Variants in AOPEP observed in about 807,000 individuals in gnomAD.
AOPEP encodes aminopeptidase O.
A neutral mutation model predicts 98.1 loss-of-function variants in AOPEP; 77 were observed. The ratio of observed to expected loss-of-function variants is 0.78; its 90% CI spans 0.65 to 0.95. The LOEUF is 0.95. AOPEP is among the 40% of genes least tolerant of loss of function. The probability of loss-of-function intolerance (pLI) is 0.00; values close to 1 mark genes in which losing one functional copy is unlikely to be tolerated. For missense variants in AOPEP, 1,024 were observed against 1,024.7 expected (o/e 1.00, Z 0.01); for synonymous variants, 346 against 365.3 (o/e 0.95, Z 0.60).
intron 5 of AOPEP, among the ~76,000 whole-genome samples, chr9:94,905,110 A>G (rs2050939925): frequency 6.6e-6 from 1 of 152,370 alleles, no homozygotes; most frequent in African/African-American, 2.4e-5. Context: ...GTACAAAAGC[A>G]CAACAGATAT....
intron 5 of AOPEP, among the ~76,000 whole-genome samples, chr9:94,908,339 A>T (rs1564361863): frequency 6.6e-6 from 1 of 152,284 alleles, no homozygotes; most frequent in East Asian, 1.9e-4. Flanking sequence ...ATCCCATCCC[A>T]CAGAGTAAAT....
chr9:95,106,667 C>G, the AOPEP span, among the ~76,000 whole-genome samples: 2 of 152,310 alleles, frequency 1.3e-5, no homozygotes, highest in African/African-American at 4.8e-5. Flanking sequence ...ATTCTTTGCA[C>G]TGTTGCAGTG....
At chr9:94,916,710 T>TAAATAAA (rs1554767812) in intron 5 of AOPEP, among the ~76,000 whole-genome samples, 2 of 143,004 alleles carry the variant, frequency 1.4e-5, no homozygotes, top group African/African-American at 5.5e-5. Flanking sequence ...AAAAAAAAAA[T>TAAATAAA]TAAATAAATA....
intron 4 of AOPEP, among the ~76,000 whole-genome samples, chr9:94,799,210 T>G (rs1043770256): frequency 2.0e-5 from 3 of 152,232 alleles, no homozygotes; most frequent in Non-Finnish European, 4.4e-5. Context: ...TATTGGGACA[T>G]GCCAGCATCT....
At chr9:94,916,493 A>C (rs73538177) in intron 5 of AOPEP, among the ~76,000 whole-genome samples, 2 of 152,140 alleles carry the variant, frequency 1.3e-5, no homozygotes, top group African/African-American at 4.8e-5. Context: ...CCATGAGGTC[A>C]GGAATTCAAG....
chr9:94,806,552 T>C (rs1356730719), intron 5 of AOPEP, among the ~76,000 whole-genome samples: 3 of 152,244 alleles, frequency 2.0e-5, no homozygotes, highest in African/African-American at 7.2e-5. Flanking sequence ...TATGCCCATG[T>C]GTGCTTCCCC....
intron 7 of AOPEP, among the ~76,000 whole-genome samples, chr9:94,944,268 G>A (rs1054856654): frequency 1.1e-4 from 16 of 152,194 alleles, no homozygotes; most frequent in African/African-American, 3.6e-4. Context: ...CAAAAGAAAT[G>A]AAGAAATCAT....
rs758208013 is a variant in AOPEP, at chr9:94,800,923, T to C, written c.1285T>C (p.Ser429Pro). The C allele has an allele frequency of 1.2e-6, 2 of 1,614,124 alleles. No individual in the cohort carries two copies. Among genetic ancestry groups the C allele is most frequent in the Admixed American group, 3.3e-5 (2 of 60,018 alleles). Residue 429 changes from serine (S) to proline (P), a missense_variant, in exon 5 of 17, where the codon TCT becomes CCT. Ser to Pro is a moderately conservative substitution (Grantham distance 74). Transcript: ENST00000375315. ...CCCTCCTTGCCTCTCAGCAGCACAT[T>C]CTGTTCTGGGAGCACACCCGTTCTC... Reference protein sequence around the residue: ...LIPPCLSAAHSVLGAHPFSRL... With the variant: ...LIPPCLSAAHPVLGAHPFSRL...
intron 1 of AOPEP, among the ~76,000 whole-genome samples, chr9:94,731,287 GC>G (rs1338033840): frequency 5.3e-5 from 8 of 151,940 alleles, no homozygotes; most frequent in Non-Finnish European, 1.0e-4. Context: ...GAGTGCAGTG[GC>G]GCGATCTCGG....
At chr9:94,830,187 C>G (rs1359967576) in intron 5 of AOPEP, among the ~76,000 whole-genome samples, 1 of 152,190 alleles carries the variant, frequency 6.6e-6, no homozygotes, top group Non-Finnish European at 1.5e-5. Flanking sequence ...CTGATGCTCT[C>G]CCTCTCCCTG....
At position 94,924,024 on chromosome 9, in the gene AOPEP, G is replaced by C; in HGVS notation, c.1403G>C (p.Gly468Ala). ...IMFLSQSILT[G>A]GNHLCGTRLC... ...TTCCTCTCTCAGAGCATCTTGACAG[G>C]AGGGAACCATCTCTGTGGGACCCGC... Residue 468 changes from glycine (G) to alanine (A), a missense_variant, in exon 6 of 17, where the codon GGA (glycine) becomes GCA (alanine). By Grantham distance (60) the Gly-to-Ala change is moderately conservative (BLOSUM62 0). Transcript: ENST00000375315. 4 of 1,497,992 alleles carry C rather than the reference G, an allele frequency of 2.7e-6. No individual in the cohort carries two copies. The highest frequency in any genetic ancestry group is 3.6e-6 in the Non-Finnish European group (4 of 1,120,384). 92.8% of individuals were successfully genotyped at this position (1,497,992 alleles called of 1,614,324 possible). A position where few individuals can be genotyped will look rare whatever the true frequency, so the allele number is the denominator to read the frequency against.
intron 1 of AOPEP, among the ~76,000 whole-genome samples, chr9:94,751,991 C>G (rs1160980695): frequency 6.7e-6 from 1 of 150,138 alleles, no homozygotes; most frequent in Non-Finnish European, 1.5e-5. Flanking sequence ...CTCTCAGGCT[C>G]AAGCAATCCT....
At chr9:94,823,661 A>T (rs1006480160) in intron 5 of AOPEP, among the ~76,000 whole-genome samples, 3 of 152,148 alleles carry the variant, frequency 2.0e-5, no homozygotes, top group Non-Finnish European at 4.4e-5. Flanking sequence ...GGCTGAGTGG[A>T]AGGAGGTGTA....
chr9:94,923,509 C>A (rs749151202), intron 5 of AOPEP, among the ~76,000 whole-genome samples: 1 of 152,188 alleles, frequency 6.6e-6, no homozygotes, highest in Non-Finnish European at 1.5e-5. Flanking sequence ...CAGAATGGAA[C>A]ATTTTCTGCT....
chr9:94,852,108 T>G (rs2043626104), intron 5 of AOPEP, among the ~76,000 whole-genome samples: 1 of 152,204 alleles, frequency 6.6e-6, no homozygotes, highest in South Asian at 2.1e-4. Flanking sequence ...GACATGATAA[T>G]TTGAGCGGCT....
intron 5 of AOPEP, among the ~76,000 whole-genome samples, chr9:94,912,741 C>T (rs116757574): frequency 0.016 from 2,421 of 152,248 alleles, 64 homozygotes; most frequent in African/African-American, 0.055. Context: ...GCTGGCACAG[C>T]GCGTTTCTTC....
intron 13 of AOPEP, among the ~76,000 whole-genome samples, chr9:95,046,070 GTCAGTGGACTAGGGCCACTGATTCAA>G (rs1035836839): frequency 1.9e-4 from 29 of 152,346 alleles, no homozygotes; most frequent in Non-Finnish European, 4.1e-4. Flanking sequence ...TTAAAAAAAT[GTCAGTGGACTAGGGCCACTGATTCAA>G]CTTCCGAAAA....
chr9:94,929,594 G>T (rs985071546), intron 7 of AOPEP, among the ~76,000 whole-genome samples: 1 of 152,248 alleles, frequency 6.6e-6, no homozygotes, highest in African/African-American at 2.4e-5. Flanking sequence ...GAAGTGGAGC[G>T]GGCCAGGAGC....
chr9:94,996,335 GGATTTTACTTGCCTCT>G lies in AOPEP; in HGVS notation c.1978-8821_1978-8806del, dbSNP rs1050505143. Among the ~76,000 whole-genome samples, 21 of 149,064 alleles carry G rather than the reference GGATTTTACTTGCCTCT, an allele frequency of 1.4e-4. No individual in the cohort carries two copies. The East Asian group carries it at 1.6e-3, about 11-fold the overall frequency. On this transcript the variant is annotated intron_variant, in intron 11 of 16. Coordinates refer to ENST00000375315, the MANE Select transcript of AOPEP (RefSeq NM_001193329.3). Reference sequence around the variant, plus strand: ...AGCCACTCCACCCCCCACATGTGGTGGATTTTACTTGCCTCTGTGTGTGTGTGTGTGTGTGTGTGTG... The same window carrying G: ...AGCCACTCCACCCCCCACATGTGGTGGTGTGTGTGTGTGTGTGTGTGTGTG...
Sources: allele counts gnomAD v4.1 joint callset (sites outside exome capture counted in the v4.1 genomes callset), GRCh38; gene constraint gnomAD v4.1.1; transcripts MANE v1.5; gene names NCBI Gene and HGNC (gene_info 2026-07-23, HGNC 2026-07-21).